TOP6BL: variants seen among roughly 807,000 people sequenced by gnomAD.
The protein encoded by TOP6BL is TOP6B like initiator of meiotic double strand breaks.
chr11:66,825,340 A>C, the TOP6BL span, among the ~76,000 whole-genome samples: 12 of 151,014 alleles, frequency 7.9e-5, no homozygotes, highest in Admixed American at 7.9e-4. Context: ...ATACAAAAAA[A>C]ATTAGCCAGG....
chr11:66,824,686 A>G, the TOP6BL span, among the ~76,000 whole-genome samples: 1 of 140,560 alleles, frequency 7.1e-6, no homozygotes, highest in Non-Finnish European at 1.5e-5. Flanking sequence ...TATGAGTGAG[A>G]ACATGTGGTG....
the TOP6BL span, among the ~76,000 whole-genome samples, chr11:66,745,827 T>C: frequency 6.7e-6 from 1 of 149,750 alleles, no homozygotes; most frequent in South Asian, 2.1e-4. Context: ...TGTTTGTTTT[T>C]TGAGACGGAG....
the TOP6BL span, among the ~76,000 whole-genome samples, chr11:66,813,561 C>T: frequency 1.3e-5 from 2 of 152,098 alleles, no homozygotes; most frequent in South Asian, 2.1e-4. Context: ...GGTGAAACCC[C>T]GTCTCTACTA....
the TOP6BL span, among the ~76,000 whole-genome samples, chr11:66,752,625 G>C: frequency 6.6e-6 from 1 of 151,788 alleles, no homozygotes. Flanking sequence ...GCTAATTTTT[G>C]TATTTTTCAT....
chr11:66,757,931 C>T, the TOP6BL span, among the ~76,000 whole-genome samples: 10 of 152,192 alleles, frequency 6.6e-5, no homozygotes, highest in African/African-American at 2.2e-4. Context: ...TAAATAGCCA[C>T]ATGTAGTTTC....
chr11:66,792,073 G>A, the TOP6BL span, among the ~76,000 whole-genome samples: 1 of 152,128 alleles, frequency 6.6e-6, no homozygotes, highest in Non-Finnish European at 1.5e-5. Flanking sequence ...GCTTCCTAAA[G>A]TGCTGGGATT....
chr11:66,796,402 T>G, the TOP6BL span: 3 of 1,484,652 alleles, frequency 2.0e-6, no homozygotes, highest in African/African-American at 4.1e-5. Flanking sequence ...TTCTCTTATT[T>G]AAGTCATTGT....
chr11:66,827,699 T>TTA, the TOP6BL span, among the ~76,000 whole-genome samples: 14 of 152,074 alleles, frequency 9.2e-5, no homozygotes, highest in East Asian at 2.7e-3. Flanking sequence ...GCGCAGTGGC[T>TTA]TACACCTGTA....
At chr11:66,843,231 C>T in the TOP6BL span, 1 of 1,609,302 alleles carries the variant, frequency 6.2e-7, no homozygotes, top group East Asian at 2.2e-5. Context: ...GCCCTGGGCC[C>T]TGAGCCGGGT....
the TOP6BL span, among the ~76,000 whole-genome samples, chr11:66,795,421 C>T: frequency 1.3e-5 from 2 of 151,518 alleles, no homozygotes; most frequent in Admixed American, 1.3e-4. Context: ...CCTGCCTTAG[C>T]CTCCTGAGTA....
the TOP6BL span, among the ~76,000 whole-genome samples, chr11:66,745,345 A>G: frequency 1.3e-5 from 2 of 151,296 alleles, no homozygotes; most frequent in African/African-American, 2.4e-5. Context: ...GACAGAGGCA[A>G]GGAGGGACCC....
chr11:66,807,374 C>G, the TOP6BL span, among the ~76,000 whole-genome samples: 1 of 152,124 alleles, frequency 6.6e-6, no homozygotes, highest in South Asian at 2.1e-4. Context: ...GAGTTCGAGA[C>G]CAGCCTGACC....
chr11:66,761,923 G>T, the TOP6BL span: 1 of 1,371,954 alleles, frequency 7.3e-7, no homozygotes, highest in South Asian at 1.2e-5. Flanking sequence ...ACGAAATGGG[G>T]AGTTGATATC....
chr11:66,756,664 C>G, the TOP6BL span, among the ~76,000 whole-genome samples: 1 of 152,202 alleles, frequency 6.6e-6, no homozygotes, highest in East Asian at 1.9e-4. Flanking sequence ...CAAGCATTCC[C>G]CCAAATCCCC....
the TOP6BL span, among the ~76,000 whole-genome samples, chr11:66,820,542 G>T: frequency 6.6e-6 from 1 of 152,186 alleles, no homozygotes; most frequent in African/African-American, 2.4e-5. Flanking sequence ...ACTGAGCAGT[G>T]GTGCCTGTGG....
chr11:66,789,472 G>T, the TOP6BL span, among the ~76,000 whole-genome samples: 1 of 152,186 alleles, frequency 6.6e-6, no homozygotes, highest in African/African-American at 2.4e-5. Flanking sequence ...TGCTCATTCT[G>T]AAAGGAATGG....
the TOP6BL span, among the ~76,000 whole-genome samples, chr11:66,787,950 G>A: frequency 1.3e-5 from 2 of 152,188 alleles, no homozygotes; most frequent in African/African-American, 4.8e-5. Flanking sequence ...TTGAAAAGAT[G>A]AGGTTAAATG....
the TOP6BL span, chr11:66,838,562 T>C: frequency 2.2e-6 from 2 of 891,782 alleles, no homozygotes; most frequent in Non-Finnish European, 3.4e-6. Flanking sequence ...CCTTCTGCAA[T>C]TTAGTGGGCT....
At chr11:66,811,548 T>C in the TOP6BL span, among the ~76,000 whole-genome samples, 2 of 152,162 alleles carry the variant, frequency 1.3e-5, no homozygotes, top group African/African-American at 2.4e-5. Context: ...TGCAAAAATA[T>C]AATGTATAAG....
Sources: allele counts gnomAD v4.1 joint callset (sites outside exome capture counted in the v4.1 genomes callset), GRCh38; gene constraint gnomAD v4.1.1; transcripts MANE v1.5; gene names NCBI Gene and HGNC (gene_info 2026-07-23, HGNC 2026-07-21).